Variants in LYST observed in about 807,000 individuals in gnomAD.
LYST encodes the protein lysosomal-trafficking regulator.
Under a neutral mutation model 413.6 loss-of-function variants are expected in LYST, and 192 were observed. The observed-to-expected ratio is 0.46, with a 90% CI of 0.41 to 0.52. The LOEUF (loss-of-function observed/expected upper bound fraction) is 0.52, where lower values mean the gene tolerates loss of function less well. Ranked by LOEUF, LYST falls within the 20% of genes least tolerant of loss-of-function variation. LYST has a pLI of 0.00. For missense variants in LYST, 3,815 were observed against 4,499.9 expected, an observed-to-expected ratio of 0.85 and a Z score of 4.35; for synonymous variants, 1,525 against 1,567.3, an observed-to-expected ratio of 0.97 and a Z score of 0.64.
chr1:235,760,481 A>G (rs1197676906), intron 22 of LYST, among the ~76,000 whole-genome samples: 1 of 152,194 alleles, frequency 6.6e-6, no homozygotes, highest in Non-Finnish European at 1.5e-5. Context: ...TATTCTATGC[A>G]GGAAGACACC....
At chr1:235,815,068 C>T (rs1456924190) in intron 3 of LYST, among the ~76,000 whole-genome samples, 1 of 152,194 alleles carries the variant, frequency 6.6e-6, no homozygotes, top group East Asian at 1.9e-4. Context: ...CTCTAACACC[C>T]TACCTGCTTC....
intron 3 of LYST, chr1:235,827,431 T>G: frequency 1.0e-6 from 1 of 984,332 alleles, no homozygotes; most frequent in Non-Finnish European, 1.2e-6. Context: ...AGGGCTTAAA[T>G]CACCCCAGAG....
chr1:235,717,394 C>T (rs536763269), intron 40 of LYST, among the ~76,000 whole-genome samples: 3 of 152,284 alleles, frequency 2.0e-5, no homozygotes, highest in East Asian at 1.9e-4. Context: ...CTGTCAGTGC[C>T]GGTGTTCACA....
At chr1:235,812,805 T>C (rs1475471350) in intron 4 of LYST, among the ~76,000 whole-genome samples, 166 bp downstream of exon 4, 1 of 152,178 alleles carries the variant, frequency 6.6e-6, no homozygotes, top group East Asian at 1.9e-4. Flanking sequence ...TTTTGTATTA[T>C]TGAAGGAAAA....
chr1:235,877,023 C>G (rs986404965), intron 1 of LYST, among the ~76,000 whole-genome samples: 2 of 152,216 alleles, frequency 1.3e-5, no homozygotes, highest in African/African-American at 4.8e-5. Context: ...GGTCTGGCAT[C>G]CAGATTTGCT....
chr1:235,751,161 T>C, intron 28 of LYST, 49 bp downstream of exon 28: 2 of 1,565,044 alleles, frequency 1.3e-6, no homozygotes, highest in Non-Finnish European at 1.8e-6. Context: ...CATAGGAAAG[T>C]CAAGCTAGCC....
intron 50 of LYST, among the ~76,000 whole-genome samples, chr1:235,675,598 A>C (rs143356830): frequency 7.2e-4 from 109 of 152,274 alleles, no homozygotes; most frequent in African/African-American, 2.5e-3. Flanking sequence ...GGTGCACCCT[A>C]ACTCCACAAC....
At chr1:235,852,032 C>T (rs530219691) in intron 1 of LYST, among the ~76,000 whole-genome samples, 3 of 152,260 alleles carry the variant, frequency 2.0e-5, no homozygotes, top group Non-Finnish European at 2.9e-5. Flanking sequence ...AGTTGTTTAG[C>T]GCCCAGGCCC....
intron 44 of LYST, 91 bp downstream of exon 44, chr1:235,709,000 G>T: frequency 9.1e-7 from 1 of 1,103,430 alleles, no homozygotes; most frequent in Non-Finnish European, 1.4e-6. Flanking sequence ...TTGATAACTT[G>T]AGTGTTTTAA....
intron 10 of LYST, among the ~76,000 whole-genome samples, chr1:235,799,110 A>C (rs1195420591): frequency 1.3e-5 from 2 of 152,184 alleles, no homozygotes; most frequent in East Asian, 3.8e-4. Flanking sequence ...CAAAATAATA[A>C]AAATACACCC....
intron 3 of LYST, among the ~76,000 whole-genome samples, chr1:235,819,645 CTTTTA>C (rs889055762): frequency 2.0e-5 from 3 of 152,054 alleles, no homozygotes; most frequent in African/African-American, 4.8e-5. Context: ...TTATTTAATA[CTTTTA>C]TTTTGTTTTG....
rs1188942912 is a variant in LYST, at chr1:235,686,900, C to T, written c.10800+49G>A. 1 of 1,308,040 alleles carries T rather than the reference C, an allele frequency of 7.6e-7. No individual in the cohort carries two copies. Among genetic ancestry groups the T allele is most frequent in the Non-Finnish European group, 1.1e-6 (1 of 900,486 alleles). 81.0% of individuals were successfully genotyped at this position (1,308,040 alleles called of 1,614,324 possible). A position where few individuals can be genotyped will look rare whatever the true frequency, so the allele number is the denominator to read the frequency against. On this transcript the variant is annotated intron_variant, in intron 48 of 52. Coordinates refer to ENST00000389793, the MANE Select transcript of LYST (RefSeq NM_000081.4). The surrounding 1 kb of genome is among the most constrained non-coding windows in gnomAD (Gnocchi z 4.0). ...ATTATACTTCATAAAGGCTTTCTTC[C>T]CCTCATTGACAAAGTCCCATACTAC...
intron 13 of LYST, 94 bp from the exon 14 acceptor site, chr1:235,787,467 A>G: frequency 2.0e-5 from 21 of 1,058,592 alleles, no homozygotes; most frequent in Non-Finnish European, 3.0e-5. Flanking sequence ...TAAATAAGTA[A>G]GATTAAAAAT....
chr1:235,785,444 T>G (rs748736783), intron 14 of LYST, among the ~76,000 whole-genome samples: 29 of 152,344 alleles, frequency 1.9e-4, no homozygotes, highest in Non-Finnish European at 3.4e-4. Context: ...CTCAAAACAC[T>G]GTAATTCCTC....
intron 23 of LYST, among the ~76,000 whole-genome samples, chr1:235,758,240 G>A (rs1667232267): frequency 6.6e-6 from 1 of 152,180 alleles, no homozygotes; most frequent in African/African-American, 2.4e-5. Context: ...ACCAAAGCAA[G>A]GTCATCTGTG....
chr1:235,680,003 A>G (rs758455804), intron 48 of LYST, among the ~76,000 whole-genome samples: 1 of 133,244 alleles, frequency 7.5e-6, no homozygotes, highest in African/African-American at 2.6e-5. Flanking sequence ...CTCTCTCTCT[A>G]TAAATATCTA....
Position 235,809,315 on chromosome 1 carries a change from G to T in LYST, c.1503C>A (p.His501Gln). 1 of 1,614,064 alleles carries T rather than the reference G, an allele frequency of 6.2e-7. No homozygotes were observed. The part of the protein sequence containing the change: ...LHHSMCTRKR[H>Q]RRCEYSHFMH... ...TAAAATGAGAATATTCACATCGTCT[G>T]TGCCTTTTTCTTGTACACATCGAAT... The change falls in exon 5 of 53, where the codon CAC becomes CAA. Residue 501 changes from histidine (H) to glutamine (Q), a missense_variant. Physicochemically the swap from His to Gln is conservative, Grantham distance 24. This residue lies in a region of LYST where 1,648 missense variants were observed against 1,810.3 expected (regional missense o/e 0.91). Transcript: ENST00000389793. The surrounding 1 kb of genome is among the most constrained non-coding windows in gnomAD (Gnocchi z 4.0).
At chr1:235,828,095 T>C (rs969837917) in intron 3 of LYST, 6 of 846,372 alleles carry the variant, frequency 7.1e-6, no homozygotes, top group Non-Finnish European at 8.5e-6. Context: ...TCTTTTAGAA[T>C]GGCTAACACT....
intron 45 of LYST, among the ~76,000 whole-genome samples, chr1:235,698,434 A>G (rs547591009): frequency 6.6e-6 from 1 of 152,324 alleles, no homozygotes; most frequent in Non-Finnish European, 1.5e-5. Context: ...AAAAATGAGT[A>G]TCTCTGGAAA....
Sources: gnomAD v4.1 joint callset for allele counts (sites outside exome capture counted in the v4.1 genomes callset) on GRCh38, gnomAD v4.1.1 for gene constraint, gnomAD v4.1.1 regional missense constraint, Gnocchi (gnomAD v3.1) non-coding constraint, MANE v1.5 for transcripts, NCBI Gene and HGNC (gene_info 2026-07-23, HGNC 2026-07-21) for gene names.